VPS53: variants seen among roughly 807,000 people sequenced by gnomAD.
VPS53 encodes vacuolar protein sorting-associated protein 53 homolog.
Under a neutral mutation model 107.0 loss-of-function variants are expected in VPS53, and 70 were observed. The observed-to-expected ratio is 0.65, with a 90% CI of 0.54 to 0.80. The LOEUF (loss-of-function observed/expected upper bound fraction) is 0.80, where lower values mean the gene tolerates loss of function less well. VPS53 is among the 30% of genes least tolerant of loss of function. The probability of loss-of-function intolerance (pLI) is 0.00; values close to 1 mark genes in which losing one functional copy is unlikely to be tolerated. For synonymous variants in VPS53, 409 were observed against 393.3 expected (o/e 1.04, Z -0.47); for missense variants, 917 against 1,049.4 (o/e 0.87, Z 1.74).
At chr17:526,973 G>A (rs1398816712) in intron 19 of VPS53, among the ~76,000 whole-genome samples, 1 of 152,224 alleles carries the variant, frequency 6.6e-6, no homozygotes, top group South Asian at 2.1e-4. Context: ...TCAATGAGGT[G>A]GCACAGGGGA....
At chr17:567,364 G>GC (rs1253538732) in intron 13 of VPS53, among the ~76,000 whole-genome samples, 1 of 152,130 alleles carries the variant, frequency 6.6e-6, no homozygotes, top group Non-Finnish European at 1.5e-5. Flanking sequence ...CTTTCACCCT[G>GC]CATCAGCATG....
At chr17:633,704 C>T (rs140029423) in intron 7 of VPS53, among the ~76,000 whole-genome samples, 4 of 152,274 alleles carry the variant, frequency 2.6e-5, no homozygotes, top group East Asian at 1.9e-4. Flanking sequence ...ATGATCCAGA[C>T]GAGGCTATTA....
intron 15 of VPS53, among the ~76,000 whole-genome samples, chr17:556,208 C>T (rs548274610): frequency 1.3e-5 from 2 of 152,076 alleles, no homozygotes; most frequent in Non-Finnish European, 2.9e-5. Flanking sequence ...GGATCGCTTT[C>T]GTTCCAGGTT....
chr17:576,969 G>C (rs1237715867), intron 13 of VPS53, among the ~76,000 whole-genome samples: 2 of 143,628 alleles, frequency 1.4e-5, no homozygotes, highest in Non-Finnish European at 3.0e-5. Flanking sequence ...ACCTCCCTCA[G>C]AACCTCAATG....
At chr17:523,762 T>C (rs1412143267) in intron 19 of VPS53, among the ~76,000 whole-genome samples, 2 of 152,272 alleles carry the variant, frequency 1.3e-5, no homozygotes, top group East Asian at 1.9e-4. Context: ...TTTCTAGAGA[T>C]AGAAATTCTT....
At chr17:625,079 C>T (rs918978113) in intron 10 of VPS53, among the ~76,000 whole-genome samples, 1 of 151,396 alleles carries the variant, frequency 6.6e-6, no homozygotes, top group Non-Finnish European at 1.5e-5. Context: ...GCAACCTTGA[C>T]CTGGGCTCAA....
chr17:650,077 C>T (rs780775736), intron 7 of VPS53, among the ~76,000 whole-genome samples: 11 of 152,126 alleles, frequency 7.2e-5, no homozygotes, highest in Non-Finnish European at 1.0e-4. Flanking sequence ...GAAGATCCAA[C>T]GTTCACGTAA....
intron 2 of VPS53, among the ~76,000 whole-genome samples, chr17:706,557 C>T (rs1842916250): frequency 6.6e-6 from 1 of 150,684 alleles, no homozygotes; most frequent in Non-Finnish European, 1.5e-5. Flanking sequence ...AAAAAAATTA[C>T]ACAAGCAAGT....
intron 4 of VPS53, among the ~76,000 whole-genome samples, chr17:680,608 T>G (rs748853380): frequency 6.6e-6 from 1 of 152,198 alleles, no homozygotes; most frequent in Non-Finnish European, 1.5e-5. Flanking sequence ...GCAAAAGTGC[T>G]TAGTGACCAA....
intron 4 of VPS53, among the ~76,000 whole-genome samples, chr17:667,548 G>A (rs1317007778): frequency 1.3e-5 from 1 of 77,058 alleles, no homozygotes; most frequent in African/African-American, 6.0e-5. Flanking sequence ...ATAATGTTCT[G>A]GGGGGGGCAA....
At chr17:525,964 T>A (rs1402753554) in intron 19 of VPS53, among the ~76,000 whole-genome samples, 1 of 118,880 alleles carries the variant, frequency 8.4e-6, no homozygotes, top group East Asian at 2.6e-4. Flanking sequence ...GCCATTGTAC[T>A]CCAGACTGGG....
chr17:548,834 T>C (rs1393105518), intron 17 of VPS53, among the ~76,000 whole-genome samples: 1 of 152,260 alleles, frequency 6.6e-6, no homozygotes, highest in Non-Finnish European at 1.5e-5. Context: ...TACTCATGTT[T>C]TCACCCTGTT....
intron 12 of VPS53, among the ~76,000 whole-genome samples, chr17:592,589 G>A (rs1967724283): frequency 6.6e-6 from 1 of 152,104 alleles, no homozygotes; most frequent in Non-Finnish European, 1.5e-5. Flanking sequence ...AGGTCTGGTG[G>A]TGACAAAATC....
intron 2 of VPS53, among the ~76,000 whole-genome samples, chr17:704,656 G>C (rs1973332992): frequency 6.6e-6 from 1 of 152,128 alleles, no homozygotes; most frequent in African/African-American, 2.4e-5. Context: ...TAAATGTTCT[G>C]AGTTACTCTA....
intron 12 of VPS53, among the ~76,000 whole-genome samples, chr17:600,388 C>A (rs919389252): frequency 3.9e-5 from 6 of 152,136 alleles, no homozygotes; most frequent in Non-Finnish European, 8.8e-5. Flanking sequence ...GGAGGACATG[C>A]CAGAAGCATG....
intron 4 of VPS53, among the ~76,000 whole-genome samples, chr17:694,467 T>C (rs1021984573): frequency 1.6e-4 from 24 of 152,296 alleles, no homozygotes; most frequent in African/African-American, 5.3e-4. Flanking sequence ...AAAATGCCGA[T>C]GAATCACTCA....
chr17:533,550 T>C (rs1909770641), intron 18 of VPS53, among the ~76,000 whole-genome samples: 1 of 152,194 alleles, frequency 6.6e-6, no homozygotes, highest in African/African-American at 2.4e-5. Context: ...CTGGACTGCC[T>C]TTCCTAGAAG....
At chr17:640,994 A>T (rs1427103880) in intron 7 of VPS53, among the ~76,000 whole-genome samples, 1 of 152,140 alleles carries the variant, frequency 6.6e-6, no homozygotes, top group East Asian at 1.9e-4. Context: ...AGCTGGGATT[A>T]CAGGCGCCTG....
intron 11 of VPS53, among the ~76,000 whole-genome samples, chr17:619,284 G>GCCA (rs1433960131): frequency 7.2e-6 from 1 of 139,172 alleles, no homozygotes; most frequent in Non-Finnish European, 1.5e-5. Flanking sequence ...CACCACACCT[G>GCCA]CTAATATTTT....
Sources: gnomAD v4.1 joint callset for allele counts (sites outside exome capture counted in the v4.1 genomes callset) on GRCh38, gnomAD v4.1.1 for gene constraint, MANE v1.5 for transcripts, NCBI Gene and HGNC (gene_info 2026-07-23, HGNC 2026-07-21) for gene names.